The following PREX2 variants were observed in gnomAD, a reference collection of about 807,000 sequenced individuals.
The protein encoded by PREX2 is phosphatidylinositol-3,4,5-trisphosphate dependent Rac exchange factor 2, also known as phosphatidylinositol 3,4,5-trisphosphate-dependent Rac exchanger 2 protein.
Under a neutral mutation model 203.2 loss-of-function variants are expected in PREX2, and 107 were observed. The observed-to-expected ratio is 0.53, with a 90% CI of 0.45 to 0.62. PREX2 has a LOEUF of 0.62. Ranked by LOEUF, PREX2 falls within the 20% of genes least tolerant of loss-of-function variation. PREX2 has a pLI of 0.00. For missense variants in PREX2, 1,777 were observed against 1,955.9 expected (o/e 0.91, Z 1.72); for synonymous variants, 672 against 663.6 (o/e 1.01, Z -0.19).
At chr8:67,972,432 T>C (rs902457383) in intron 1 of PREX2, among the ~76,000 whole-genome samples, 3 of 152,400 alleles carry the variant, frequency 2.0e-5, no homozygotes, top group African/African-American at 7.2e-5. Context: ...TCAGGTTCCC[T>C]GACTACATCG....
intron 1 of PREX2, among the ~76,000 whole-genome samples, chr8:68,008,736 T>C (rs921307509): frequency 1.3e-5 from 2 of 152,072 alleles, no homozygotes; most frequent in East Asian, 3.9e-4. Flanking sequence ...GTTTTTGTGA[T>C]AGTGAATAAA....
intron 35 of PREX2, among the ~76,000 whole-genome samples, chr8:68,167,327 CTTCTT>C (rs1034969473): frequency 2.2e-5 from 2 of 92,930 alleles, no homozygotes; most frequent in African/African-American, 7.2e-5. Flanking sequence ...GATGTGTTCT[CTTCTT>C]TTTTTTTTTT....
chr8:68,128,129 C>T (rs145129637), intron 31 of PREX2, among the ~76,000 whole-genome samples: 1 of 152,190 alleles, frequency 6.6e-6, no homozygotes, highest in Non-Finnish European at 1.5e-5. Context: ...AACTCAACTA[C>T]ATGCCATTTA....
intron 17 of PREX2, among the ~76,000 whole-genome samples, chr8:68,081,548 C>G (rs75095652): frequency 0.013 from 1,931 of 152,278 alleles, 43 homozygotes; most frequent in African/African-American, 0.043. Flanking sequence ...CTGTATTATG[C>G]ACGGCAGATG....
chr8:67,979,793 A>G (rs1270500898), intron 1 of PREX2, among the ~76,000 whole-genome samples: 1 of 152,180 alleles, frequency 6.6e-6, no homozygotes, highest in African/African-American at 2.4e-5. Context: ...AAATACTATG[A>G]TGTCTTTTAC....
At chr8:68,097,945 C>T (rs764075592) in intron 22 of PREX2, among the ~76,000 whole-genome samples, 15 of 152,128 alleles carry the variant, frequency 9.9e-5, no homozygotes, top group Non-Finnish European at 1.9e-4. Flanking sequence ...CATAAAATTT[C>T]GGGAACTGTA....
At chr8:67,995,252 C>G (rs770314569) in intron 1 of PREX2, among the ~76,000 whole-genome samples, 1 of 151,954 alleles carries the variant, frequency 6.6e-6, no homozygotes, top group Non-Finnish European at 1.5e-5. Context: ...TTTCTTATAT[C>G]TTTTTATTAC....
chr8:68,072,505 T>G lies in PREX2; in HGVS notation c.1504T>G (p.Tyr502Asp), dbSNP rs1456527690. 4 of 1,579,544 alleles carry G rather than the reference T, an allele frequency of 2.5e-6. No individual in the cohort carries two copies. Among genetic ancestry groups the G allele is most frequent in the African/African-American group, 1.3e-5 (1 of 74,078 alleles). Reference sequence around the variant, plus strand: ...TTTTTTCCTTTATAGAGATAAAGATTACCATTTAAGGACCTACAAATCTGT... The same window carrying G: ...TTTTTTCCTTTATAGAGATAAAGATGACCATTTAAGGACCTACAAATCTGT... The part of the protein sequence containing the change: ...LFTPVIRDKD[Y>D]HLRTYKSVVM... Residue 502 changes from tyrosine (Y) to aspartate (D), a missense_variant, in exon 14 of 40, where the codon TAC becomes GAC. By Grantham distance (160) the Tyr-to-Asp change is radical. Coordinates refer to ENST00000288368, the MANE Select transcript of PREX2 (RefSeq NM_024870.4).
At chr8:68,145,651 T>A (rs748049878) in intron 33 of PREX2, among the ~76,000 whole-genome samples, 23 of 152,172 alleles carry the variant, frequency 1.5e-4, no homozygotes, top group Non-Finnish European at 2.8e-4. Context: ...TTGATTGGTT[T>A]TTTTTTAAGT....
At chr8:68,104,628 T>G (rs552639356) in intron 23 of PREX2, among the ~76,000 whole-genome samples, 2 of 152,336 alleles carry the variant, frequency 1.3e-5, no homozygotes, top group African/African-American at 4.8e-5. Context: ...CTGCTCAATT[T>G]TGTTTTCAGT....
intron 30 of PREX2, among the ~76,000 whole-genome samples, chr8:68,124,110 A>G (rs199735253): frequency 6.6e-6 from 1 of 152,142 alleles, no homozygotes; most frequent in African/African-American, 2.4e-5. Flanking sequence ...AGTTGGTTCA[A>G]CATACTCAAA....
chr8:68,029,919 A>G (rs911339116), intron 5 of PREX2, among the ~76,000 whole-genome samples: 4 of 152,172 alleles, frequency 2.6e-5, no homozygotes, highest in African/African-American at 9.6e-5. Flanking sequence ...GTCACATAGA[A>G]TAAGCCTGAG....
At chr8:68,042,559 A>G (rs965020471) in intron 7 of PREX2, among the ~76,000 whole-genome samples, 19 of 152,114 alleles carry the variant, frequency 1.2e-4, no homozygotes, top group African/African-American at 4.3e-4. Context: ...ATTCATCCTC[A>G]TCAATGGGCT....
intron 38 of PREX2, among the ~76,000 whole-genome samples, chr8:68,219,007 A>G (rs749650696): frequency 1.3e-5 from 2 of 152,212 alleles, no homozygotes; most frequent in South Asian, 4.1e-4. Flanking sequence ...TAAACTTATG[A>G]TTATCCATAT....
intron 5 of PREX2, among the ~76,000 whole-genome samples, chr8:68,028,632 C>G (rs1290155589): frequency 6.6e-6 from 1 of 151,822 alleles, no homozygotes; most frequent in Non-Finnish European, 1.5e-5. Flanking sequence ...CACAGGAGTC[C>G]CCAGCTCTGC....
chr8:68,162,301 C>T (rs1342319555), intron 35 of PREX2, among the ~76,000 whole-genome samples: 2 of 152,030 alleles, frequency 1.3e-5, no homozygotes, highest in South Asian at 2.1e-4. Context: ...GAGGTTTTCT[C>T]AATTTCTGTT....
chr8:68,201,647 T>A (rs571781145), intron 37 of PREX2, among the ~76,000 whole-genome samples: 1 of 152,196 alleles, frequency 6.6e-6, no homozygotes, highest in African/African-American at 2.4e-5. Context: ...TAGATCTGCC[T>A]TTCCCAGTCC....
intron 1 of PREX2, chr8:67,952,738 C>G: frequency 1.4e-6 from 1 of 711,532 alleles, no homozygotes; most frequent in Non-Finnish European, 2.4e-6. Context: ...CCGAGACTCA[C>G]TGAGTTGCGG....
intron 25 of PREX2, among the ~76,000 whole-genome samples, chr8:68,112,418 G>C (rs1270145841): frequency 4.6e-5 from 7 of 152,126 alleles, no homozygotes; most frequent in Non-Finnish European, 8.8e-5. Context: ...TTTTGCAGGT[G>C]CCAGACGCCT....
Sources: gnomAD v4.1 joint callset for allele counts (sites outside exome capture counted in the v4.1 genomes callset) on GRCh38, gnomAD v4.1.1 for gene constraint, MANE v1.5 for transcripts, NCBI Gene and HGNC (gene_info 2026-07-23, HGNC 2026-07-21) for gene names.